Variants in RELN observed in about 807,000 individuals in gnomAD.
RELN encodes the protein reelin.
Under a neutral mutation model 427.6 loss-of-function variants are expected in RELN, and 108 were observed. The observed-to-expected ratio is 0.25, with a 90% CI of 0.22 to 0.30. RELN has a LOEUF of 0.30. Among genes scored for constraint, RELN ranks in the 10% least tolerant of loss-of-function variants. The pLI is 1.00. For synonymous variants in RELN, 1,524 were observed against 1,513.4 expected, an observed-to-expected ratio of 1.01 and a Z score of -0.16; for missense variants, 3,715 against 4,302.8, an observed-to-expected ratio of 0.86 and a Z score of 3.82.
chr7:103,538,969 G>C, intron 45 of RELN, 109 bp downstream of exon 45: 1 of 1,224,832 alleles, frequency 8.2e-7, no homozygotes, highest in Non-Finnish European at 1.2e-6. Flanking sequence ...AAGTGCACTT[G>C]TGTTTTATTT....
chr7:103,557,257 C>A (rs1183972505), intron 37 of RELN, 98 bp from the exon 38 acceptor site: 24 of 1,018,262 alleles, frequency 2.4e-5, no homozygotes, highest in Non-Finnish European at 3.6e-5. Flanking sequence ...CATAAGAGAA[C>A]TTATGTTTAC....
At chr7:103,764,712 T>C (rs1259990645) in intron 4 of RELN, among the ~76,000 whole-genome samples, 1 of 151,778 alleles carries the variant, frequency 6.6e-6, no homozygotes, top group African/African-American at 2.4e-5. Flanking sequence ...GGTGCATGCC[T>C]GTAGTCCCAA....
chr7:103,737,709 T>G (rs1023693986), intron 6 of RELN, among the ~76,000 whole-genome samples: 18 of 152,344 alleles, frequency 1.2e-4, no homozygotes, highest in African/African-American at 4.3e-4. Flanking sequence ...TCCAACAAAT[T>G]AGTATTTTCA....
chr7:103,862,676 A>C (rs1794100490), intron 2 of RELN, among the ~76,000 whole-genome samples: 1 of 152,138 alleles, frequency 6.6e-6, no homozygotes, highest in Non-Finnish European at 1.5e-5. Context: ...TGAAATAAAA[A>C]AATTTAATTT....
intron 8 of RELN, among the ~76,000 whole-genome samples, chr7:103,710,451 T>C (rs756056549): frequency 5.3e-5 from 8 of 152,254 alleles, no homozygotes; most frequent in Non-Finnish European, 1.0e-4. Flanking sequence ...CCCACAGTGC[T>C]GATGCATCCA....
At chr7:103,875,802 C>T (rs920527940) in intron 2 of RELN, among the ~76,000 whole-genome samples, 3 of 151,956 alleles carry the variant, frequency 2.0e-5, no homozygotes, top group African/African-American at 4.8e-5. Context: ...ACCTTGGGAC[C>T]TGCTAAATGA....
chr7:103,909,716 ATATTAAATATATTTTTTAATATAT>A lies in RELN; in HGVS notation c.337+7335_337+7358del, dbSNP rs1795304603. The stretch of plus-strand genomic sequence containing the variant: ...ATATATATTTAATATATATAAATAT[ATATTAAATATATTTTTTAATATAT>A]ATAAATATATATATTAAATATATAT... On this transcript the variant is annotated intron_variant, in intron 2 of 64. Coordinates refer to ENST00000428762, the MANE Select transcript of RELN (RefSeq NM_005045.4). Among the ~76,000 whole-genome samples the A allele has an allele frequency of 2.6e-4, 8 of 30,774 alleles. No homozygotes were observed. In the East Asian group the frequency reaches 7.6e-3, roughly 29 times the overall value. The allele number at this position is 30,774 out of a possible 152,430, so 20.2% of individuals were successfully genotyped here. A position where few individuals can be genotyped will look rare whatever the true frequency, so the allele number is the denominator to read the frequency against.
intron 2 of RELN, among the ~76,000 whole-genome samples, chr7:103,875,233 T>G (rs2116541466): frequency 6.7e-6 from 1 of 149,664 alleles, no homozygotes; most frequent in South Asian, 2.3e-4. Flanking sequence ...ATTTAAACGT[T>G]AGACCTAAAA....
At chr7:103,656,868 T>C (rs6943065) in intron 12 of RELN, among the ~76,000 whole-genome samples, 54,889 of 151,656 alleles carry the variant, frequency 0.36, 10,001 homozygotes, top group South Asian at 0.41. Flanking sequence ...TTTTCGTCCC[T>C]TAACAACATT....
chr7:103,836,864 A>G (rs936126531), intron 2 of RELN, among the ~76,000 whole-genome samples: 1 of 152,076 alleles, frequency 6.6e-6, no homozygotes, highest in Non-Finnish European at 1.5e-5. Context: ...AACTTTCTTT[A>G]CTTCTTAAGC....
chr7:103,738,672 CTTTTTTTTTTTTTTTT>C lies in RELN; in HGVS notation c.657-10481_657-10466del, dbSNP rs57390524. Among the ~76,000 whole-genome samples the C allele has an allele frequency of 5.4e-4, 38 of 70,524 alleles. 1 individual carries two copies. In the East Asian group the frequency reaches 0.014, roughly 26 times the overall value. 46.3% of individuals were successfully genotyped at this position (70,524 alleles called of 152,430 possible). A position where few individuals can be genotyped will look rare whatever the true frequency, so the allele number is the denominator to read the frequency against. The stretch of plus-strand genomic sequence containing the variant: ...TCTGGCATCTTTCCTTCCTTCCTTC[CTTTTTTTTTTTTTTTT>C]TTTTTTTTTTTTTGAGACAGAGGCT... On this transcript the variant is annotated intron_variant, in intron 6 of 64. Transcript: ENST00000428762.
At chr7:103,580,925 A>G (rs1384402824) in intron 28 of RELN, among the ~76,000 whole-genome samples, 1 of 152,170 alleles carries the variant, frequency 6.6e-6, no homozygotes, top group Non-Finnish European at 1.5e-5. Flanking sequence ...ACACTGATCT[A>G]TTTGGAAGAG....
chr7:103,657,136 GAAGTC>G (rs1445567074), intron 12 of RELN, among the ~76,000 whole-genome samples: 6 of 152,010 alleles, frequency 3.9e-5, no homozygotes, highest in Non-Finnish European at 8.8e-5. Context: ...TGAGAATGGA[GAAGTC>G]AAGTATGGTG....
At chr7:103,683,960 G>C (rs1377613749) in intron 10 of RELN, among the ~76,000 whole-genome samples, 2 of 152,142 alleles carry the variant, frequency 1.3e-5, no homozygotes, top group Non-Finnish European at 2.9e-5. Flanking sequence ...AGGAGATCAA[G>C]ATATGATTTC....
chr7:103,550,984 T>G, intron 41 of RELN, 83 bp downstream of exon 41: 1 of 1,145,660 alleles, frequency 8.7e-7, no homozygotes, highest in Non-Finnish European at 1.3e-6. Flanking sequence ...AATTTCCCCA[T>G]GATAAAGTGG....
intron 11 of RELN, among the ~76,000 whole-genome samples, chr7:103,669,145 G>T (rs1367920762): frequency 6.6e-6 from 1 of 151,690 alleles, no homozygotes; most frequent in Non-Finnish European, 1.5e-5. Context: ...CTCTCAATTA[G>T]GTTTTATTTC....
At chr7:103,670,772 T>G (rs1033124221) in intron 11 of RELN, among the ~76,000 whole-genome samples, 1 of 152,060 alleles carries the variant, frequency 6.6e-6, no homozygotes, top group Admixed American at 6.6e-5. Context: ...ATTAAGAATA[T>G]GAACATAGGA....
intron 10 of RELN, among the ~76,000 whole-genome samples, chr7:103,692,307 G>A (rs1411759838): frequency 6.6e-6 from 1 of 152,118 alleles, no homozygotes; most frequent in East Asian, 1.9e-4. Context: ...TGGGGTGAGT[G>A]AGCCCCAGCT....
At chr7:103,753,275 TAA>T (rs1791053059) in intron 4 of RELN, 61 bp from the exon 5 acceptor site, 3 of 1,549,168 alleles carry the variant, frequency 1.9e-6, no homozygotes, top group African/African-American at 2.7e-5. Flanking sequence ...AATCCAGTAA[TAA>T]AGAGTCACAA....
Sources: gnomAD v4.1 joint callset for allele counts (sites outside exome capture counted in the v4.1 genomes callset) on GRCh38, gnomAD v4.1.1 for gene constraint, MANE v1.5 for transcripts, NCBI Gene and HGNC (gene_info 2026-07-23, HGNC 2026-07-21) for gene names.